COL6A6: variants seen among roughly 807,000 people sequenced by gnomAD.
The protein encoded by COL6A6 is collagen alpha-6(VI) chain.
A neutral mutation model predicts 208.6 loss-of-function variants in COL6A6; 183 were observed. The observed-to-expected ratio is 0.88, with a 90% CI of 0.78 to 0.99. The LOEUF is 0.99. COL6A6 is among the 50% of genes least tolerant of loss of function. COL6A6 has a pLI of 0.00. For missense variants in COL6A6, 2,816 were observed against 2,815.2 expected, an observed-to-expected ratio of 1.00 and a Z score of -0.01; for synonymous variants, 973 against 1,011.8, an observed-to-expected ratio of 0.96 and a Z score of 0.73.
At chr3:130,636,697 G>T (rs2065118730) in intron 28 of COL6A6, among the ~76,000 whole-genome samples, 1 of 148,924 alleles carries the variant, frequency 6.7e-6, no homozygotes, top group African/African-American at 2.5e-5. Context: ...GGTTTTAGGG[G>T]TACAAAATAA....
chr3:130,560,370 G>A lies in COL6A6; in HGVS notation c.6G>A (p.Met2Ile). M[M>I]LLILFLVIIC... The stretch of plus-strand genomic sequence containing the variant: ...AAGATTTTTCAGGTCATAATATGAT[G>A]TTGCTAATTTTGTTCCTCGTGATAA... Residue 2 changes from methionine (M) to isoleucine (I), a missense_variant, in exon 2 of 37, where the codon ATG becomes ATA. By Grantham distance (10) the Met-to-Ile change is conservative. Transcript: ENST00000358511. The A allele has an allele frequency of 6.2e-7, 1 of 1,611,100 alleles. No individual in the cohort carries two copies. The highest frequency in any genetic ancestry group is 8.5e-7 in the Non-Finnish European group (1 of 1,178,824).
intron 12 of COL6A6, 96 bp downstream of exon 12, chr3:130,589,278 A>G (rs1051330289): frequency 9.4e-6 from 7 of 743,888 alleles, no homozygotes; most frequent in Non-Finnish European, 1.6e-5. Context: ...TAACTTCTAA[A>G]TAGAGCCTCT....
intron 4 of COL6A6, 48 bp downstream of exon 4, chr3:130,565,662 C>A: frequency 6.5e-7 from 1 of 1,534,432 alleles, no homozygotes; most frequent in Non-Finnish European, 8.8e-7. Context: ...TTTTTTTCTT[C>A]TCTTTCAAAT....
chr3:130,542,052 CTTAG>C (rs1410120474), intron 1 of COL6A6, among the ~76,000 whole-genome samples: 2 of 149,138 alleles, frequency 1.3e-5, no homozygotes, highest in Admixed American at 6.7e-5. Flanking sequence ...CTCTTTTTTT[CTTAG>C]TTAGCCTGGC....
At position 130,581,898 on chromosome 3, in the gene COL6A6, A is replaced by G. The variant is rs1339484218; in HGVS notation, c.3885A>G (p.Arg1295=). The change falls in exon 9 of 37, where the codon CGA becomes CGG. Residue 1295 remains arginine, a synonymous_variant. Transcript: ENST00000358511. ...WDTFQNKSAA[R]GKVVLLFSDG... Reference sequence around the variant, plus strand: ...CATTTCAGAATAAATCAGCTGCTCGAGGAAAGGTAACATGGATTTATCTTA... The same window carrying G: ...CATTTCAGAATAAATCAGCTGCTCGGGGAAAGGTAACATGGATTTATCTTA... 9.4e-6 allele frequency: 15 copies of G among 1,604,014 alleles called. No individual in the cohort carries two copies. Among genetic ancestry groups the G allele is most frequent in the Non-Finnish European group, 1.3e-5 (15 of 1,173,558 alleles).
chr3:130,541,180 C>G (rs933023460), intron 1 of COL6A6, among the ~76,000 whole-genome samples: 1 of 152,166 alleles, frequency 6.6e-6, no homozygotes, highest in African/African-American at 2.4e-5. Flanking sequence ...CAAAAGAGGA[C>G]TTTTATGCAG....
intron 8 of COL6A6, among the ~76,000 whole-genome samples, chr3:130,576,796 C>T (rs887567624): frequency 6.6e-6 from 1 of 152,170 alleles, no homozygotes; most frequent in Admixed American, 6.5e-5. Context: ...GCTTCAAAGG[C>T]ATGTACAAAT....
chr3:130,657,000 G>A (rs1377779860), intron 33 of COL6A6, among the ~76,000 whole-genome samples: 4 of 152,238 alleles, frequency 2.6e-5, no homozygotes, highest in Admixed American at 6.5e-5. Context: ...CTCCAAGAGT[G>A]CAGAAATGCC....
intron 6 of COL6A6, among the ~76,000 whole-genome samples, 154 bp from the exon 7 acceptor site, chr3:130,570,664 A>G (rs183061165): frequency 1.3e-5 from 2 of 152,256 alleles, no homozygotes; most frequent in East Asian, 1.9e-4. Context: ...GCACCAATGT[A>G]TGTGTATTGT....
At position 130,568,507 on chromosome 3, in the gene COL6A6, C is replaced by T. The variant is rs780740343; in HGVS notation, c.2304C>T (p.Ile768=). The T allele has an allele frequency of 8.7e-6, 14 of 1,613,448 alleles. No individual in the cohort carries two copies. Among genetic ancestry groups the T allele is most frequent in the Non-Finnish European group, 1.1e-5 (13 of 1,179,884 alleles). ...FGSNVTQLEE[I]SGRPEMVFYV... is the part of the protein sequence containing the mutation. ...CCAATGTCACCCAGCTTGAGGAGAT[C>T]AGTGGGAGGCCCGAGATGGTTTTTT... The change falls in exon 6 of 37, where the codon ATC becomes ATT. Residue 768 remains isoleucine (I), a synonymous_variant. Coordinates refer to ENST00000358511, the MANE Select transcript of COL6A6 (RefSeq NM_001102608.3).
chr3:130,529,742 C>T (rs1254507296), intron 1 of COL6A6, among the ~76,000 whole-genome samples: 1 of 152,162 alleles, frequency 6.6e-6, no homozygotes, highest in Non-Finnish European at 1.5e-5. Flanking sequence ...TAGTGAGGTT[C>T]TCTATTAAAG....
At chr3:130,545,431 A>G (rs1054368246) in intron 1 of COL6A6, among the ~76,000 whole-genome samples, 1 of 145,182 alleles carries the variant, frequency 6.9e-6, no homozygotes, top group Non-Finnish European at 1.5e-5. Context: ...AGGGTTTTCC[A>G]CCTCCTGGCT....
At chr3:130,535,404 A>T (rs2107724417) in intron 1 of COL6A6, among the ~76,000 whole-genome samples, 1 of 151,678 alleles carries the variant, frequency 6.6e-6, no homozygotes, top group Middle Eastern at 3.4e-3. Flanking sequence ...CCTTTTTTTC[A>T]CTGTGGCTTT....
chr3:130,672,563 C>T (rs912502081), intron 36 of COL6A6, among the ~76,000 whole-genome samples: 5 of 151,836 alleles, frequency 3.3e-5, no homozygotes, highest in Non-Finnish European at 5.9e-5. Flanking sequence ...CCACCACACC[C>T]GGCTAATTTT....
intron 1 of COL6A6, among the ~76,000 whole-genome samples, chr3:130,534,853 T>A (rs2062186742): frequency 6.6e-6 from 1 of 152,224 alleles, no homozygotes. Flanking sequence ...AGAAGTAGAT[T>A]TTTTTCTGTT....
chr3:130,567,792 A>T (rs959955590), intron 5 of COL6A6, among the ~76,000 whole-genome samples: 4 of 152,164 alleles, frequency 2.6e-5, no homozygotes, highest in African/African-American at 9.7e-5. Flanking sequence ...CAACACACAG[A>T]CTTGGCACAG....
intron 33 of COL6A6, among the ~76,000 whole-genome samples, chr3:130,658,439 GT>G (rs1481525738): frequency 6.6e-6 from 1 of 152,210 alleles, no homozygotes; most frequent in South Asian, 2.1e-4. Flanking sequence ...TTAGGAGGTA[GT>G]AGTACTCTTA....
At chr3:130,664,318 C>A (rs1355049) in intron 35 of COL6A6, among the ~76,000 whole-genome samples, 31,188 of 152,128 alleles carry the variant, frequency 0.21, 3,468 homozygotes, top group South Asian at 0.36. Context: ...AGAACAGCAG[C>A]TCTGGAGACA....
intron 18 of COL6A6, among the ~76,000 whole-genome samples, chr3:130,595,083 C>A (rs1056571839): frequency 6.6e-6 from 1 of 152,098 alleles, no homozygotes; most frequent in Non-Finnish European, 1.5e-5. Context: ...GTCTCATTTC[C>A]TGTAACCCAG....
Sources: gnomAD v4.1 joint callset for allele counts (sites outside exome capture counted in the v4.1 genomes callset) on GRCh38, gnomAD v4.1.1 for gene constraint, MANE v1.5 for transcripts, NCBI Gene and HGNC (gene_info 2026-07-23, HGNC 2026-07-21) for gene names.